The following CALN1 variants were observed in gnomAD, a reference collection of about 807,000 sequenced individuals.
The protein encoded by CALN1 is calneuron 1.
In CALN1, 17 loss-of-function variants were observed where a neutral mutation model predicts 30.6. The ratio of observed to expected loss-of-function variants is 0.56; its 90% CI spans 0.38 to 0.83. The LOEUF (loss-of-function observed/expected upper bound fraction) is 0.83, where lower values mean the gene tolerates loss of function less well. CALN1 is among the 40% of genes least tolerant of loss of function. The pLI is 0.00. For missense variants in CALN1, 291 were observed against 354.9 expected (o/e 0.82, Z 1.45); for synonymous variants, 156 against 131.4 (o/e 1.19, Z -1.28).
intron 5 of CALN1, among the ~76,000 whole-genome samples, chr7:71,991,136 C>A (rs1798930089): frequency 6.6e-6 from 1 of 151,804 alleles, no homozygotes; most frequent in Non-Finnish European, 1.5e-5. Context: ...TGAGTAAGAA[C>A]AAAACGAAAG....
the CALN1 span, among the ~76,000 whole-genome samples, chr7:72,485,624 C>A: frequency 1.5e-3 from 228 of 152,310 alleles, 1 homozygote; most frequent in Non-Finnish European, 1.8e-3. Flanking sequence ...GTAATCCCAG[C>A]ACTTTGGGAG....
intron 3 of CALN1, among the ~76,000 whole-genome samples, chr7:72,226,049 T>C (rs1027480330): frequency 1.3e-5 from 2 of 149,792 alleles, no homozygotes; most frequent in Admixed American, 6.7e-5. Context: ...TGAGCCGAGA[T>C]TGCGCCACTG....
chr7:72,181,107 C>CAT (rs1411928757), intron 3 of CALN1, among the ~76,000 whole-genome samples: 1 of 95,370 alleles, frequency 1.0e-5, no homozygotes, highest in African/African-American at 3.9e-5. Flanking sequence ...CCCCCCCCCC[C>CAT]CCCAAAAAAA....
chr7:72,147,772 A>C (rs1786874487), intron 3 of CALN1, among the ~76,000 whole-genome samples: 1 of 152,094 alleles, frequency 6.6e-6, no homozygotes, highest in Admixed American at 6.6e-5. Context: ...GCAGCCATAA[A>C]AAATAATGAG....
intron 2 of CALN1, among the ~76,000 whole-genome samples, chr7:72,324,324 C>G (rs1339091963): frequency 6.6e-6 from 1 of 152,106 alleles, no homozygotes; most frequent in Non-Finnish European, 1.5e-5. Flanking sequence ...CCAGAAAGGT[C>G]TGTTTCCTGA....
intron 2 of CALN1, among the ~76,000 whole-genome samples, chr7:72,372,940 G>GGAATTATCTGGC (rs1445872802): frequency 2.0e-5 from 3 of 152,094 alleles, no homozygotes; most frequent in Non-Finnish European, 2.9e-5. Context: ...CATGGATGTT[G>GGAATTATCTGGC]GAATTATCTG....
Position 72,046,649 on chromosome 7 carries a change from G to T in CALN1, c.389-22880C>A, listed in dbSNP as rs562696079. ...CACTTGAACCCAGGAGGCAGAGGTT[G>T]CAGTGAGCCGAGATCACGCCATTGT... On this transcript the variant is annotated intron_variant, in intron 4 of 6. Transcript: ENST00000395275. Among the ~76,000 whole-genome samples the T allele has an allele frequency of 1.3e-3, 185 of 144,272 alleles. 1 individual carries two copies. The highest frequency in any genetic ancestry group is 2.1e-3 in the Non-Finnish European group (138 of 66,992). 94.6% of individuals were successfully genotyped at this position (144,272 alleles called of 152,430 possible). A position where few individuals can be genotyped will look rare whatever the true frequency, so the allele number is the denominator to read the frequency against.
At chr7:72,080,416 C>A (rs946091578) in intron 4 of CALN1, among the ~76,000 whole-genome samples, 2 of 152,134 alleles carry the variant, frequency 1.3e-5, no homozygotes, top group Non-Finnish European at 2.9e-5. Flanking sequence ...CAGAACAGAC[C>A]CGGACCTGGC....
At chr7:72,168,085 C>G (rs1482517722) in intron 3 of CALN1, among the ~76,000 whole-genome samples, 1 of 152,188 alleles carries the variant, frequency 6.6e-6, no homozygotes, top group Admixed American at 6.5e-5. Context: ...TGGCCAGAAA[C>G]TATGTTTAAC....
rs565918190 is a variant in CALN1, at chr7:72,277,742, C to T, written c.244+944G>A. Among the ~76,000 whole-genome samples the T allele has an allele frequency of 6.6e-5, 10 of 152,240 alleles. No individual in the cohort carries two copies. The South Asian group carries it at 2.1e-3, about 32-fold the overall frequency. On this transcript the variant is annotated intron_variant, in intron 3 of 6. Transcript: ENST00000395275. The stretch of plus-strand genomic sequence containing the variant: ...CTCAGAGCCAAATGTCCTCCATCTT[C>T]CTTCTGGGAGAAATGAGGCTCCCTA...
At chr7:72,380,001 G>T (rs1032611380) in intron 2 of CALN1, among the ~76,000 whole-genome samples, 1 of 152,232 alleles carries the variant, frequency 6.6e-6, no homozygotes, top group Non-Finnish European at 1.5e-5. Context: ...ATGCCTGTCG[G>T]TCTATGTAAT....
chr7:71,879,089 T>C (rs992352223), intron 5 of CALN1, among the ~76,000 whole-genome samples: 1 of 152,344 alleles, frequency 6.6e-6, no homozygotes, highest in Non-Finnish European at 1.5e-5. Context: ...CCTGTGTTTT[T>C]ACCTGATGGC....
chr7:72,439,571 T>C (rs1180934560), intron 1 of CALN1, among the ~76,000 whole-genome samples: 1 of 143,426 alleles, frequency 7.0e-6, no homozygotes. Flanking sequence ...TCTTTATCCT[T>C]GTCGTTTATT....
At chr7:72,367,047 T>C (rs1585591692) in intron 2 of CALN1, among the ~76,000 whole-genome samples, 3 of 144,680 alleles carry the variant, frequency 2.1e-5, no homozygotes, top group South Asian at 2.1e-4. Context: ...CTCACAAATA[T>C]AATGTTGAGT....
At chr7:71,992,009 T>G (rs1488578691) in intron 5 of CALN1, among the ~76,000 whole-genome samples, 1 of 152,230 alleles carries the variant, frequency 6.6e-6, no homozygotes, top group African/African-American at 2.4e-5. Context: ...TGTATGATTA[T>G]AGATTATTCT....
At chr7:71,945,239 T>C (rs1158148220) in intron 5 of CALN1, among the ~76,000 whole-genome samples, 1 of 152,156 alleles carries the variant, frequency 6.6e-6, no homozygotes, top group Non-Finnish European at 1.5e-5. Context: ...GTGGGTGCCA[T>C]GATTCTTGTA....
At chr7:71,801,420 G>GCATC in intron 6 of CALN1, among the ~76,000 whole-genome samples, 1 of 102,516 alleles carries the variant, frequency 9.8e-6, no homozygotes, top group Non-Finnish European at 2.0e-5. Context: ...ATGTATGTAT[G>GCATC]TATGTATGTA....
At chr7:72,150,674 T>G (rs532257832) in intron 3 of CALN1, among the ~76,000 whole-genome samples, 1 of 152,296 alleles carries the variant, frequency 6.6e-6, no homozygotes, top group African/African-American at 2.4e-5. Context: ...TGAGAAAGGC[T>G]ACATTGGGCC....
chr7:72,207,974 G>A (rs927865128), intron 3 of CALN1, among the ~76,000 whole-genome samples: 1 of 152,088 alleles, frequency 6.6e-6, no homozygotes, highest in Non-Finnish European at 1.5e-5. Context: ...CAGTATAACA[G>A]ACATAAAGGC....
Sources: gnomAD v4.1 joint callset for allele counts (sites outside exome capture counted in the v4.1 genomes callset) on GRCh38, gnomAD v4.1.1 for gene constraint, MANE v1.5 for transcripts, NCBI Gene and HGNC (gene_info 2026-07-23, HGNC 2026-07-21) for gene names.